Variants in GLIS1 observed in about 807,000 individuals in gnomAD.
The protein encoded by GLIS1 is zinc finger protein GLIS1.
In GLIS1, 24 loss-of-function variants were observed where a neutral mutation model predicts 63.8. That is an observed-to-expected ratio of 0.38 (90% CI 0.27 to 0.53). GLIS1 has a LOEUF of 0.53. Among genes scored for constraint, GLIS1 ranks in the 20% least tolerant of loss-of-function variants. The probability of loss-of-function intolerance (pLI) is 0.85; values close to 1 mark genes in which losing one functional copy is unlikely to be tolerated. For missense variants in GLIS1, 1,036 were observed against 1,074.1 expected, an observed-to-expected ratio of 0.96 and a Z score of 0.50; for synonymous variants, 450 against 482.5, an observed-to-expected ratio of 0.93 and a Z score of 0.88.
chr1:53,737,351 C>T (rs530127337), intron 2 of GLIS1, among the ~76,000 whole-genome samples: 6 of 152,208 alleles, frequency 3.9e-5, no homozygotes, highest in Non-Finnish European at 7.3e-5. Flanking sequence ...TTAATTAATT[C>T]CTCACTTGAC....
In GLIS1 at chr1:53,526,497, C is replaced by T. The variant is rs1469584107; in HGVS notation, c.1483-1610G>A. The stretch of plus-strand genomic sequence containing the variant: ...CTGCTGCCCCCAGCCCACCGCACCC[C>T]AGAGGTAGGCTCCCTCTCTCACACA... On this transcript the variant is annotated intron_variant, in intron 5 of 10. Coordinates refer to ENST00000628545, the MANE Select transcript of GLIS1 (RefSeq NM_001367484.1). This position sits in a 1 kb window ranked among gnomAD's most constrained non-coding sequence, Gnocchi z 4.4. 6.6e-6 allele frequency among the ~76,000 whole-genome samples: 1 copy of T among 152,100 alleles called. No homozygotes were observed. Among genetic ancestry groups the T allele is most frequent in the African/African-American group, 2.4e-5 (1 of 41,384 alleles).
At chr1:53,671,236 T>C (rs751087020) in intron 2 of GLIS1, among the ~76,000 whole-genome samples, 2 of 152,206 alleles carry the variant, frequency 1.3e-5, no homozygotes, top group Non-Finnish European at 2.9e-5. Context: ...AAAACCTGTC[T>C]TAGTAGCAGG....
intron 4 of GLIS1, among the ~76,000 whole-genome samples, chr1:53,573,131 C>T (rs1027378925): frequency 2.6e-5 from 4 of 152,100 alleles, no homozygotes; most frequent in African/African-American, 4.8e-5. Flanking sequence ...GGGTCCAATG[C>T]GAGCCCTGGT....
At chr1:53,552,693 G>C (rs1316244987) in intron 4 of GLIS1, among the ~76,000 whole-genome samples, 1 of 152,108 alleles carries the variant, frequency 6.6e-6, no homozygotes, top group Non-Finnish European at 1.5e-5. Flanking sequence ...GCTCCCCAGG[G>C]CTCCTCCATC....
rs893759171 is a variant in GLIS1, at chr1:53,639,270, C to A, written c.260-38992G>T. 4.6e-5 allele frequency among the ~76,000 whole-genome samples: 7 copies of A among 152,180 alleles called. No homozygotes were observed. The highest frequency in any genetic ancestry group is 1.7e-4 in the African/African-American group (7 of 41,524). On this transcript the variant is annotated intron_variant, in intron 2 of 10. Transcript: ENST00000628545. The surrounding 1 kb of genome is among the most constrained non-coding windows in gnomAD (Gnocchi z 4.6). ...CTAAGGGAGCTGCGGGCTGGCAGGG[C>A]GATGGCATATCCAGAAAGTGCCAGT...
At chr1:53,664,222 T>C (rs1476085208) in intron 2 of GLIS1, among the ~76,000 whole-genome samples, 1 of 152,034 alleles carries the variant, frequency 6.6e-6, no homozygotes, top group African/African-American at 2.4e-5. Flanking sequence ...CCCTCTACCA[T>C]GGTGAGTATT....
chr1:53,725,098 T>C (rs910879092), intron 2 of GLIS1, among the ~76,000 whole-genome samples: 1 of 152,102 alleles, frequency 6.6e-6, no homozygotes, highest in Admixed American at 6.5e-5. Context: ...GGTATGAAGC[T>C]GGGACAGGAG....
At position 53,594,695 on chromosome 1, in the gene GLIS1, G is replaced by A; in HGVS notation, c.733C>T (p.Leu245=). Residue 245 remains leucine, a synonymous_variant, in exon 4 of 11, where the codon CTA becomes TTA. Coordinates refer to ENST00000628545, the MANE Select transcript of GLIS1 (RefSeq NM_001367484.1). ...GSLKRCCVLG[L]PPTSPASSSP... Reference sequence around the variant, plus strand: ...GAGGAGGCTGGGGAGGTGGGGGGTAGGCCCAAGACGCAGCACCGCTTCAGG... The same window carrying A: ...GAGGAGGCTGGGGAGGTGGGGGGTAAGCCCAAGACGCAGCACCGCTTCAGG... The A allele has an allele frequency of 6.4e-7, 1 of 1,550,632 alleles. No individual in the cohort carries two copies. Among genetic ancestry groups the A allele is most frequent in the Non-Finnish European group, 8.7e-7 (1 of 1,146,524 alleles).
intron 7 of GLIS1, among the ~76,000 whole-genome samples, chr1:53,517,244 GCAGGCATCACTGCTGGCTGCTGTGAGACC>G (rs1644361953): frequency 6.6e-6 from 1 of 152,112 alleles, no homozygotes; most frequent in Non-Finnish European, 1.5e-5. Flanking sequence ...CGGCTCTGGT[GCAGGCATCACTGCTGGCTGCTGTGAGACC>G]CAGGGGCTCT....
intron 4 of GLIS1, among the ~76,000 whole-genome samples, chr1:53,552,387 G>T (rs544265458): frequency 5.3e-5 from 8 of 152,218 alleles, no homozygotes; most frequent in Admixed American, 1.3e-4. Flanking sequence ...GCCAGCTCCC[G>T]CCAGGCCTTC....
chr1:53,623,652 AAAAG>A (rs1645567786), intron 2 of GLIS1, among the ~76,000 whole-genome samples: 1 of 152,222 alleles, frequency 6.6e-6, no homozygotes, highest in Non-Finnish European at 1.5e-5. Context: ...CTCTAAAAAC[AAAAG>A]AAAGAATAAA....
At chr1:53,587,707 A>T (rs2100512851) in intron 4 of GLIS1, among the ~76,000 whole-genome samples, 1 of 152,328 alleles carries the variant, frequency 6.6e-6, no homozygotes, top group South Asian at 2.1e-4. Context: ...AAATAGTTAC[A>T]TGCAATATCC....
At chr1:53,558,389 C>T (rs1257716090) in intron 4 of GLIS1, among the ~76,000 whole-genome samples, 1 of 152,206 alleles carries the variant, frequency 6.6e-6, no homozygotes, top group East Asian at 1.9e-4. Context: ...AGATAAGGCC[C>T]CGGTTCCTCT....
At chr1:53,525,490 G>GTGCTGGGA (rs1644458590) in intron 5 of GLIS1, among the ~76,000 whole-genome samples, 1 of 126,036 alleles carries the variant, frequency 7.9e-6, no homozygotes, top group Non-Finnish European at 1.7e-5. Flanking sequence ...GAGTCTGGCG[G>GTGCTGGGA]GGCTGGGGGC....
At chr1:53,577,410 C>T (rs1645043146) in intron 4 of GLIS1, among the ~76,000 whole-genome samples, 1 of 152,180 alleles carries the variant, frequency 6.6e-6, no homozygotes, top group African/African-American at 2.4e-5. Context: ...GTGACCTGTC[C>T]CTCCTGATTC....
At chr1:53,578,913 G>T (rs1037531813) in intron 4 of GLIS1, among the ~76,000 whole-genome samples, 2 of 152,102 alleles carry the variant, frequency 1.3e-5, no homozygotes, top group African/African-American at 4.8e-5. Flanking sequence ...AGAAGGGAAG[G>T]GGTGAAGAAA....
chr1:53,552,632 T>G (rs1371290678), intron 4 of GLIS1, among the ~76,000 whole-genome samples: 1 of 152,124 alleles, frequency 6.6e-6, no homozygotes, highest in Non-Finnish European at 1.5e-5. Flanking sequence ...ATAGAAACAC[T>G]TGCCCTCCAC....
intron 2 of GLIS1, among the ~76,000 whole-genome samples, chr1:53,713,816 G>A (rs1416978149): frequency 6.6e-6 from 1 of 152,346 alleles, no homozygotes; most frequent in Admixed American, 6.5e-5. Context: ...GTAAAGGAAA[G>A]AGATAAAGGA....
chr1:53,513,503 T>C (rs1042634503), intron 8 of GLIS1, among the ~76,000 whole-genome samples: 1 of 152,014 alleles, frequency 6.6e-6, no homozygotes, highest in Non-Finnish European at 1.5e-5. Context: ...TGCTACTCCT[T>C]CCTCCCAGCT....
Sources: gnomAD v4.1 joint callset for allele counts (sites outside exome capture counted in the v4.1 genomes callset) on GRCh38, gnomAD v4.1.1 for gene constraint, Gnocchi (gnomAD v3.1) non-coding constraint, MANE v1.5 for transcripts, NCBI Gene and HGNC (gene_info 2026-07-23, HGNC 2026-07-21) for gene names.